CTNNA3: variants seen among roughly 807,000 people sequenced by gnomAD.
CTNNA3 encodes catenin alpha-3.
In CTNNA3, 76 loss-of-function variants were observed where a neutral mutation model predicts 95.7. The ratio of observed to expected loss-of-function variants is 0.79; its 90% CI spans 0.66 to 0.96. The LOEUF (loss-of-function observed/expected upper bound fraction) is 0.96, where lower values mean the gene tolerates loss of function less well. Ranked by LOEUF, CTNNA3 falls within the 40% of genes least tolerant of loss-of-function variation. CTNNA3 has a pLI of 0.00. For synonymous variants in CTNNA3, 431 were observed against 374.4 expected, an observed-to-expected ratio of 1.15 and a Z score of -1.74; for missense variants, 1,191 against 1,089.8, an observed-to-expected ratio of 1.09 and a Z score of -1.31.
chr10:67,058,676 A>T (rs1855581457), intron 7 of CTNNA3, among the ~76,000 whole-genome samples: 1 of 152,142 alleles, frequency 6.6e-6, no homozygotes, highest in Admixed American at 6.5e-5. Flanking sequence ...TGATGTAGAA[A>T]CATGAAGGAT....
chr10:66,680,925 T>G (rs1847045899), intron 9 of CTNNA3, among the ~76,000 whole-genome samples: 1 of 152,024 alleles, frequency 6.6e-6, no homozygotes, highest in African/African-American at 2.4e-5. Context: ...AGGAGAGCAT[T>G]GAAGGAATTT....
rs71468879 is a variant in CTNNA3 at position 67,758,323 on chromosome 10, T to TATATATAC, written c.-2+5110_-2+5111insGTATATAT. 2.6e-3 allele frequency among the ~76,000 whole-genome samples: 375 copies of TATATATAC among 143,408 alleles called. 1 individual carries two copies. Among genetic ancestry groups the TATATATAC allele is most frequent in the Middle Eastern group, 7.1e-3 (2 of 280 alleles). 94.1% of individuals were successfully genotyped at this position (143,408 alleles called of 152,430 possible). The stretch of plus-strand genomic sequence containing the variant: ...ACACACACATATATATAAATATATA[T>TATATATAC]ACACACACACACACACACACACACA... On this transcript the variant is annotated intron_variant, in intron 1 of 17. Transcript: ENST00000684154.
At chr10:67,389,767 G>T (rs917366591) in intron 5 of CTNNA3, among the ~76,000 whole-genome samples, 1 of 151,482 alleles carries the variant, frequency 6.6e-6, no homozygotes, top group African/African-American at 2.4e-5. Context: ...ACTCAAAACC[G>T]CTCAACTACA....
chr10:66,942,061 C>T (rs1199185916), intron 7 of CTNNA3, among the ~76,000 whole-genome samples: 1 of 152,112 alleles, frequency 6.6e-6, no homozygotes, highest in Non-Finnish European at 1.5e-5. Flanking sequence ...TATCAGTTTC[C>T]TCATCTGTAA....
intron 5 of CTNNA3, among the ~76,000 whole-genome samples, chr10:67,498,730 CTGTT>C (rs1839124451): frequency 6.6e-6 from 1 of 152,118 alleles, no homozygotes; most frequent in African/African-American, 2.4e-5. Context: ...ATTTGGGTCT[CTGTT>C]TGCCTATTAT....
At chr10:66,162,933 G>A (rs2084926655) in intron 13 of CTNNA3, among the ~76,000 whole-genome samples, 1 of 151,992 alleles carries the variant, frequency 6.6e-6, no homozygotes, top group Admixed American at 6.6e-5. Flanking sequence ...CTGGAGTTGT[G>A]TACCTAGGAG....
At chr10:67,340,906 C>A (rs1842160439) in intron 5 of CTNNA3, among the ~76,000 whole-genome samples, 1 of 151,920 alleles carries the variant, frequency 6.6e-6, no homozygotes, top group Non-Finnish European at 1.5e-5. Context: ...TTTTTTTCAA[C>A]TTTTACTACA....
chr10:66,358,107 T>G lies in CTNNA3; in HGVS notation c.1732+21045A>C, dbSNP rs560327563. On this transcript the variant is annotated intron_variant, in intron 12 of 17. Transcript: ENST00000433211. The stretch of plus-strand genomic sequence containing the variant: ...CTGTAGTGATACCCTGTTTCATTCT[T>G]GATATTAATAATTTGTATTTTCTAT... Among the ~76,000 whole-genome samples, 12 of 152,328 alleles carry G rather than the reference T, an allele frequency of 7.9e-5. 1 individual carries two copies. In the East Asian group the frequency reaches 2.3e-3, roughly 29 times the overall value.
In CTNNA3 at chr10:65,916,322, T is replaced by C. The variant is rs997695291; in HGVS notation, c.*4008A>G. ...ATAGGCAGGCTGTCTTGGCAAAAAA[T>C]AGGCCAACAAAAGAAAGTACAGATT... On this transcript the variant is annotated 3_prime_UTR_variant, in exon 18 of 18. Coordinates refer to ENST00000433211, the MANE Select transcript of CTNNA3 (RefSeq NM_013266.4). 2.2e-4 allele frequency: 33 copies of C among 152,158 alleles called. No individual in the cohort carries two copies. The highest frequency in any genetic ancestry group is 7.2e-4 in the African/African-American group (30 of 41,524). 9.4% of individuals were successfully genotyped at this position (152,158 alleles called of 1,614,324 possible).
chr10:66,957,415 CATATATAT>C (rs549686922), intron 7 of CTNNA3, among the ~76,000 whole-genome samples: 1 of 32,526 alleles, frequency 3.1e-5, no homozygotes, highest in Admixed American at 2.8e-4. Flanking sequence ...TATATATATG[CATATATAT>C]ATATGCATAT....
At chr10:66,598,152 G>A (rs1015305460) in intron 10 of CTNNA3, among the ~76,000 whole-genome samples, 13 of 151,034 alleles carry the variant, frequency 8.6e-5, no homozygotes, top group African/African-American at 3.2e-4. Flanking sequence ...ACAAAATGAA[G>A]GACAAAAAAA....
intron 16 of CTNNA3, among the ~76,000 whole-genome samples, chr10:65,971,803 T>C (rs2078109754): frequency 6.6e-6 from 1 of 152,076 alleles, no homozygotes; most frequent in Non-Finnish European, 1.5e-5. Flanking sequence ...CCTCTTTAGC[T>C]CATTCAACAA....
chr10:67,132,256 T>C (rs898031943), intron 7 of CTNNA3, among the ~76,000 whole-genome samples: 5 of 152,120 alleles, frequency 3.3e-5, no homozygotes, highest in Admixed American at 1.3e-4. Flanking sequence ...AAGGTTAGGA[T>C]TGATGCGACA....
chr10:66,590,996 T>C (rs1843530374), intron 10 of CTNNA3, among the ~76,000 whole-genome samples: 1 of 152,168 alleles, frequency 6.6e-6, no homozygotes, highest in African/African-American at 2.4e-5. Flanking sequence ...GGAGTGGTTT[T>C]AAATGATAAT....
At chr10:66,182,788 C>T (rs1267111353) in intron 13 of CTNNA3, among the ~76,000 whole-genome samples, 3 of 152,080 alleles carry the variant, frequency 2.0e-5, no homozygotes, top group Non-Finnish European at 4.4e-5. Flanking sequence ...TGTCCATCCT[C>T]GTGAACAACA....
chr10:66,748,643 G>C (rs1181913334), intron 9 of CTNNA3, among the ~76,000 whole-genome samples: 1 of 152,028 alleles, frequency 6.6e-6, no homozygotes, highest in African/African-American at 2.4e-5. Context: ...CCTGAGATTT[G>C]TTAAATGAAT....
chr10:65,947,090 G>GTTT (rs57602080), intron 17 of CTNNA3, among the ~76,000 whole-genome samples: 2 of 143,598 alleles, frequency 1.4e-5, no homozygotes, highest in Non-Finnish European at 3.1e-5. Flanking sequence ...TCTTTTGTTT[G>GTTT]TTTTTTTTTT....
At chr10:67,234,837 AC>A (rs1172169215) in intron 5 of CTNNA3, among the ~76,000 whole-genome samples, 1 of 151,008 alleles carries the variant, frequency 6.6e-6, no homozygotes, top group Middle Eastern at 3.2e-3. Context: ...AAATCAATGT[AC>A]AAAAATCACA....
At chr10:66,380,657 A>T (rs2092831635) in intron 11 of CTNNA3, among the ~76,000 whole-genome samples, 1 of 149,334 alleles carries the variant, frequency 6.7e-6, no homozygotes, top group South Asian at 2.1e-4. Context: ...TTAATTATAT[A>T]TAGTTAAAAT....
Sources: gnomAD v4.1 joint callset for allele counts (sites outside exome capture counted in the v4.1 genomes callset) on GRCh38, gnomAD v4.1.1 for gene constraint, MANE v1.5 for transcripts, NCBI Gene and HGNC (gene_info 2026-07-23, HGNC 2026-07-21) for gene names.